Variants in ACER1 observed in about 807,000 individuals in gnomAD.
The protein encoded by ACER1 is CTB-180A7.3.
A neutral mutation model predicts 24.9 loss-of-function variants in ACER1; 28 were observed. The observed-to-expected ratio is 1.13, with a 90% CI of 0.83 to 1.54. The LOEUF (loss-of-function observed/expected upper bound fraction) is 1.54. Ranked by LOEUF, ACER1 falls within the 40% of genes most tolerant of loss-of-function variation. The pLI is 0.00. For synonymous variants in ACER1, 132 were observed against 131.4 expected (o/e 1.00, Z -0.03); for missense variants, 352 against 349.3 (o/e 1.01, Z -0.06).
At chr19:6,315,670 C>T (rs1163772192) in intron 1 of ACER1, among the ~76,000 whole-genome samples, 3 of 150,114 alleles carry the variant, frequency 2.0e-5, no homozygotes, top group Non-Finnish European at 4.4e-5. Flanking sequence ...TGAGCCACCA[C>T]GGCCAGCCTA....
chr19:6,307,274 G>T lies in ACER1; in HGVS notation c.505C>A (p.Leu169Ile). 1 of 1,614,022 alleles carries T rather than the reference G, an allele frequency of 6.2e-7. No individual in the cohort carries two copies. The highest frequency in any genetic ancestry group is 8.5e-7 in the Non-Finnish European group (1 of 1,180,016). ...ACGGAGACCTCAATCAGGTGCCGAA[G>T]CTCCTTATTGCTGGTCCTAGAGAGG... Reference protein sequence around the residue: ...QEYRKTSNKELRHLIEVSVVL... With the variant: ...QEYRKTSNKEIRHLIEVSVVL... The change falls in exon 5 of 6, where the codon CTT (leucine) becomes ATT (isoleucine). Residue 169 changes from leucine (L) to isoleucine (I), a missense_variant. Leu to Ile is a conservative substitution (Grantham distance 5). Transcript: ENST00000301452.
chr19:6,341,702 C>T, the ACER1 span, among the ~76,000 whole-genome samples: 1 of 152,044 alleles, frequency 6.6e-6, no homozygotes, highest in African/African-American at 2.4e-5. Context: ...AGCCTCCACT[C>T]ACCACAACCT....
chr19:6,331,871 C>T (rs76138346), intron 1 of ACER1, among the ~76,000 whole-genome samples: 7,559 of 152,248 alleles, frequency 0.05, 286 homozygotes, highest in African/African-American at 0.11. Flanking sequence ...AGGCAAACAC[C>T]TCTGTGTTCC....
chr19:6,334,539 A>G (rs1353004855), upstream of ACER1, among the ~76,000 whole-genome samples: 1 of 151,426 alleles, frequency 6.6e-6, no homozygotes, highest in African/African-American at 2.4e-5. Context: ...TAGAGATAGG[A>G]TTTCACCATG....
chr19:6,333,592 A>T lies in ACER1; in HGVS notation c.-41T>A. The T allele has an allele frequency of 1.3e-6, 2 of 1,519,316 alleles. No homozygotes were observed. Among genetic ancestry groups the T allele is most frequent in the Non-Finnish European group, 1.8e-6 (2 of 1,121,920 alleles). The allele number at this position is 1,519,316 out of a possible 1,614,324, so 94.1% of individuals were successfully genotyped here. Reference sequence around the variant, plus strand: ...ACCACCAGCCGGCTGCGCCCGGCAGAGAGAAGGCGAGCTTGGGAAGGCTGG... The same window carrying T: ...ACCACCAGCCGGCTGCGCCCGGCAGTGAGAAGGCGAGCTTGGGAAGGCTGG... On this transcript the variant is annotated 5_prime_UTR_variant, in exon 1 of 6. Coordinates refer to ENST00000301452, the MANE Select transcript of ACER1 (RefSeq NM_133492.3).
chr19:6,309,147 G>C (rs548619820), intron 4 of ACER1, among the ~76,000 whole-genome samples: 2 of 152,070 alleles, frequency 1.3e-5, no homozygotes, highest in East Asian at 3.9e-4. Flanking sequence ...GCAGTGAGCT[G>C]AGATTACACC....
At chr19:6,339,153 A>G in the ACER1 span, among the ~76,000 whole-genome samples, 1 of 152,124 alleles carries the variant, frequency 6.6e-6, no homozygotes, top group Admixed American at 6.6e-5. Context: ...CTGAGATTAC[A>G]GGCATGAGCC....
intron 1 of ACER1, among the ~76,000 whole-genome samples, chr19:6,324,913 A>G (rs1216620765): frequency 1.6e-5 from 2 of 128,242 alleles, no homozygotes; most frequent in East Asian, 2.4e-4. Context: ...GGAAGGAAGG[A>G]GGAAGGAAGG....
chr19:6,309,593 G>T (rs2091567487), intron 4 of ACER1, 104 bp downstream of exon 4: 1 of 1,445,796 alleles, frequency 6.9e-7, no homozygotes, highest in Non-Finnish European at 9.5e-7. Flanking sequence ...CTACTTGTTA[G>T]TGGGTGATCT....
At chr19:6,332,053 G>A (rs974888517) in intron 1 of ACER1, among the ~76,000 whole-genome samples, 2 of 141,488 alleles carry the variant, frequency 1.4e-5, no homozygotes, top group Admixed American at 7.5e-5. Flanking sequence ...TGAAACCTCC[G>A]CCTCCTGGGT....
chr19:6,340,291 A>AGAAG, the ACER1 span, among the ~76,000 whole-genome samples: 6 of 85,952 alleles, frequency 7.0e-5, no homozygotes, highest in Admixed American at 7.1e-4. Context: ...AAAAAAAGAA[A>AGAAG]GAAGGAAGGA....
In ACER1 at chr19:6,312,227, G is replaced by T; in HGVS notation, c.272C>A (p.Ala91Asp). The T allele has an allele frequency of 3.1e-6, 5 of 1,614,062 alleles. No individual in the cohort carries two copies. The highest frequency in any genetic ancestry group is 4.2e-6 in the Non-Finnish European group (5 of 1,179,962). Residue 91 changes from alanine to aspartate, a missense_variant, in exon 3 of 6, where the codon GCC becomes GAC. Physicochemically the swap from Ala to Asp is moderately radical, Grantham distance 126. Coordinates refer to ENST00000301452, the MANE Select transcript of ACER1 (RefSeq NM_133492.3). ...GCCACTGCCCAGGAGCCACAGGATG[G>T]CGATCTCGTCCAGCAGCTGGCCCAG... Reference protein sequence around the residue: ...SFLGQLLDEIAILWLLGSGYS... With the variant: ...SFLGQLLDEIDILWLLGSGYS...
intron 1 of ACER1, among the ~76,000 whole-genome samples, chr19:6,314,872 T>TTTTA (rs141253604): frequency 0.11 from 17,047 of 150,140 alleles, 1,160 homozygotes; most frequent in African/African-American, 0.19. Flanking sequence ...CACAATGGAA[T>TTTTA]TTTATTTATT....
At chr19:6,315,354 C>G (rs888099642) in intron 1 of ACER1, among the ~76,000 whole-genome samples, 3 of 151,852 alleles carry the variant, frequency 2.0e-5, no homozygotes, top group African/African-American at 7.3e-5. Flanking sequence ...CAAGCATGCA[C>G]CACCATGTCC....
At chr19:6,351,873 G>A in the ACER1 span, among the ~76,000 whole-genome samples, 4 of 151,946 alleles carry the variant, frequency 2.6e-5, no homozygotes, top group South Asian at 2.1e-4. Context: ...TGGCTAACAC[G>A]GTGAAACCCC....
chr19:6,318,162 CA>C (rs201165078), intron 1 of ACER1, among the ~76,000 whole-genome samples: 7 of 147,986 alleles, frequency 4.7e-5, no homozygotes, highest in East Asian at 4.1e-4. Flanking sequence ...CTAAAAAAAA[CA>C]AAAAAAAAGT....
At chr19:6,350,302 C>G in the ACER1 span, among the ~76,000 whole-genome samples, 1 of 151,940 alleles carries the variant, frequency 6.6e-6, no homozygotes. Flanking sequence ...CCCGTCTCAA[C>G]TAAAAATATA....
the ACER1 span, among the ~76,000 whole-genome samples, chr19:6,354,615 G>C: frequency 6.6e-6 from 1 of 152,182 alleles, no homozygotes; most frequent in African/African-American, 2.4e-5. Flanking sequence ...CTCCTTGTGA[G>C]CCCTAATCAA....
At chr19:6,350,184 G>A in the ACER1 span, among the ~76,000 whole-genome samples, 4 of 150,420 alleles carry the variant, frequency 2.7e-5, no homozygotes, top group African/African-American at 9.9e-5. Context: ...GGGGAGGGAA[G>A]GGTCCGGGCG....
Sources: allele counts gnomAD v4.1 joint callset (sites outside exome capture counted in the v4.1 genomes callset), GRCh38; gene constraint gnomAD v4.1.1; transcripts MANE v1.5; gene names NCBI Gene and HGNC (gene_info 2026-07-23, HGNC 2026-07-21).